Variants in ESRRG observed in about 807,000 individuals in gnomAD.
ESRRG encodes estrogen related receptor gamma.
A neutral mutation model predicts 44.0 loss-of-function variants in ESRRG; 13 were observed. The observed-to-expected ratio is 0.30, with a 90% CI of 0.19 to 0.47. ESRRG has a LOEUF of 0.47. Ranked by LOEUF, ESRRG falls within the 20% of genes least tolerant of loss-of-function variation. The probability of loss-of-function intolerance (pLI) is 1.00; values close to 1 mark genes in which losing one functional copy is unlikely to be tolerated. For synonymous variants in ESRRG, 215 were observed against 214.6 expected, an observed-to-expected ratio of 1.00 and a Z score of -0.02; for missense variants, 395 against 580.6, an observed-to-expected ratio of 0.68 and a Z score of 3.29.
At chr1:217,053,974 C>T (rs975491156) in intron 1 of ESRRG, among the ~76,000 whole-genome samples, 56 of 150,248 alleles carry the variant, frequency 3.7e-4, no homozygotes, top group African/African-American at 1.3e-3. Flanking sequence ...TCAGCCGTGG[C>T]GTTCTTTACA....
intron 5 of ESRRG, among the ~76,000 whole-genome samples, chr1:216,541,112 A>G (rs2052584422): frequency 6.6e-6 from 1 of 151,986 alleles, no homozygotes; most frequent in Non-Finnish European, 1.5e-5. Flanking sequence ...CAAGGTATTT[A>G]TTAACAGTTC....
chr1:216,586,173 T>C (rs2063755075), intron 3 of ESRRG, among the ~76,000 whole-genome samples: 1 of 152,160 alleles, frequency 6.6e-6, no homozygotes, highest in Admixed American at 6.5e-5. Context: ...AGTTAAACAT[T>C]CAAATCTTCA....
At chr1:216,801,420 C>T (rs1041758961) in intron 2 of ESRRG, among the ~76,000 whole-genome samples, 1 of 152,162 alleles carries the variant, frequency 6.6e-6, no homozygotes, top group Non-Finnish European at 1.5e-5. Context: ...CCATTTCCGA[C>T]AACCCCCTGC....
At position 216,723,420 on chromosome 1, in the gene ESRRG, A is replaced by G. The variant is rs938572763; in HGVS notation, c.-121T>C. 2.3e-6 allele frequency: 2 copies of G among 866,864 alleles called. No individual in the cohort carries two copies. The highest frequency in any genetic ancestry group is 3.4e-5 in the African/African-American group (2 of 59,696). 53.7% of individuals were successfully genotyped at this position (866,864 alleles called of 1,614,324 possible). A position where few individuals can be genotyped will look rare whatever the true frequency, so the allele number is the denominator to read the frequency against. On this transcript the variant is annotated 5_prime_UTR_variant, in exon 1 of 7. Transcript: ENST00000408911. Reference sequence around the variant, plus strand: ...AAGCCTATAGGCACAGCCAGTTGGGACCAAAGCTCTCACACTCTCCTAATC... The same window carrying G: ...AAGCCTATAGGCACAGCCAGTTGGGGCCAAAGCTCTCACACTCTCCTAATC...
chr1:216,730,305 T>TAAAAAA (rs11445965), intron 2 of ESRRG, among the ~76,000 whole-genome samples: 18 of 121,350 alleles, frequency 1.5e-4, no homozygotes, highest in East Asian at 2.4e-4. Flanking sequence ...CTTAGAAAGG[T>TAAAAAA]AAAAAAAAAA....
chr1:216,613,614 T>C (rs1285820429), intron 3 of ESRRG, among the ~76,000 whole-genome samples: 26 of 152,220 alleles, frequency 1.7e-4, no homozygotes, highest in Non-Finnish European at 3.8e-4. Flanking sequence ...TTTGTTTTAC[T>C]CAAAAGTGTG....
chr1:216,515,598 T>G (rs1051089371), intron 6 of ESRRG, among the ~76,000 whole-genome samples: 6 of 152,276 alleles, frequency 3.9e-5, no homozygotes, highest in Middle Eastern at 3.4e-3. Flanking sequence ...AAATTGTTAT[T>G]TGTAGCTTGA....
intron 3 of ESRRG, among the ~76,000 whole-genome samples, chr1:216,616,762 A>G (rs1221981033): frequency 2.0e-5 from 3 of 152,182 alleles, no homozygotes; most frequent in Non-Finnish European, 4.4e-5. Flanking sequence ...ATTCTCCATT[A>G]GACACAGGAG....
intron 1 of ESRRG, among the ~76,000 whole-genome samples, chr1:217,026,912 C>CACACACACACACAGAGAGAG (rs1255637839): frequency 5.1e-4 from 48 of 93,464 alleles, no homozygotes; most frequent in Non-Finnish European, 7.8e-4. Context: ...CACACACACA[C>CACACACACACACAGAGAGAG]AGAGAGAGAG....
chr1:216,840,542 T>G (rs1335914514), intron 2 of ESRRG, among the ~76,000 whole-genome samples: 2 of 152,148 alleles, frequency 1.3e-5, no homozygotes, highest in Admixed American at 6.5e-5. Context: ...CATTCACAAC[T>G]TGGCTAACTG....
chr1:216,885,603 G>T (rs1221908614), intron 2 of ESRRG, among the ~76,000 whole-genome samples: 1 of 145,372 alleles, frequency 6.9e-6, no homozygotes, highest in Non-Finnish European at 1.5e-5. Context: ...AATCTTAAAG[G>T]TTTTTTTTTT....
At chr1:217,095,033 T>C (rs1294631967) in intron 1 of ESRRG, among the ~76,000 whole-genome samples, 1 of 146,124 alleles carries the variant, frequency 6.8e-6, no homozygotes, top group East Asian at 2.0e-4. Context: ...TGTCTGTGAG[T>C]GTGTGTGTGT....
intron 5 of ESRRG, among the ~76,000 whole-genome samples, chr1:216,543,722 G>A (rs966787889): frequency 2.6e-5 from 4 of 151,936 alleles, no homozygotes; most frequent in Non-Finnish European, 5.9e-5. Flanking sequence ...AGATGAACAG[G>A]GTTGAAACAG....
intron 1 of ESRRG, among the ~76,000 whole-genome samples, chr1:216,688,685 G>A (rs2078487921): frequency 6.6e-6 from 1 of 151,924 alleles, no homozygotes; most frequent in African/African-American, 2.4e-5. Flanking sequence ...ATATGAAATT[G>A]TTCATATTTG....
At chr1:216,593,180 A>G (rs2057954838) in intron 3 of ESRRG, among the ~76,000 whole-genome samples, 1 of 152,230 alleles carries the variant, frequency 6.6e-6, no homozygotes, top group African/African-American at 2.4e-5. Flanking sequence ...ATGCCATCTC[A>G]ATTAATGAAT....
intron 2 of ESRRG, among the ~76,000 whole-genome samples, chr1:216,878,937 T>A (rs1004539897): frequency 1.3e-5 from 2 of 152,170 alleles, no homozygotes; most frequent in Non-Finnish European, 2.9e-5. Context: ...GCATAGTACC[T>A]GAGACAAAAT....
At chr1:216,554,452 C>CA (rs34202751) in intron 5 of ESRRG, among the ~76,000 whole-genome samples, 2,143 of 140,472 alleles carry the variant, frequency 0.015, 23 homozygotes, top group East Asian at 0.051. Context: ...GACTCTGTCT[C>CA]AAAAAAAAAA....
intron 3 of ESRRG, among the ~76,000 whole-genome samples, chr1:216,570,475 A>T (rs2060581909): frequency 1.3e-5 from 2 of 151,668 alleles, no homozygotes; most frequent in African/African-American, 4.8e-5. Context: ...ATCATGATTT[A>T]TTTTTTTTCA....
intron 2 of ESRRG, among the ~76,000 whole-genome samples, chr1:216,761,156 C>T (rs2092749492): frequency 7.3e-6 from 1 of 137,650 alleles, no homozygotes; most frequent in South Asian, 2.2e-4. Context: ...AAACCTACTA[C>T]ACAAATAAAA....
Sources: gnomAD v4.1 joint callset for allele counts (sites outside exome capture counted in the v4.1 genomes callset) on GRCh38, gnomAD v4.1.1 for gene constraint, MANE v1.5 for transcripts, NCBI Gene and HGNC (gene_info 2026-07-23, HGNC 2026-07-21) for gene names.